The following CSF2RA variants were observed in gnomAD, a reference collection of about 807,000 sequenced individuals.
CSF2RA encodes the protein colony stimulating factor 2 receptor subunit alpha, also known as granulocyte-macrophage colony-stimulating factor receptor subunit alpha.
A neutral mutation model predicts 51.6 loss-of-function variants in CSF2RA; 42 were observed. That is an observed-to-expected ratio of 0.81 (90% CI 0.64 to 1.05). CSF2RA has a LOEUF of 1.05. Ranked by LOEUF, CSF2RA falls within the 50% of genes least tolerant of loss-of-function variation. The pLI is 0.00. For synonymous variants in CSF2RA, 222 were observed against 193.0 expected (o/e 1.15, Z -1.24); for missense variants, 530 against 501.1 (o/e 1.06, Z -0.55).
At chrX:1,270,505 G>A (rs1468377429) in intron 1 of CSF2RA, among the ~76,000 whole-genome samples, 42 of 152,098 alleles carry the variant, frequency 2.8e-4, no homozygotes, top group African/African-American at 9.9e-4. Flanking sequence ...TCCCAAAGTG[G>A]TGGGATGACA....
intron 10 of CSF2RA, among the ~76,000 whole-genome samples, chrX:1,302,163 A>C (rs1435384598): frequency 1.3e-5 from 2 of 151,674 alleles, no homozygotes; most frequent in African/African-American, 4.8e-5. Flanking sequence ...TGATCTGCCC[A>C]CCTCGCCCTC....
chrX:1,285,712 AAAAAAAAAAAAAAAAAAAAG>A lies in CSF2RA; in HGVS notation c.77-65_77-46del, dbSNP rs1228410969. The A allele has an allele frequency of 6.3e-5, 64 of 1,012,826 alleles. 1 individual carries two copies. The highest frequency in any genetic ancestry group is 3.9e-5 in the Admixed American group (1 of 25,426). 62.7% of individuals were successfully genotyped at this position (1,012,826 alleles called of 1,614,324 possible). On this transcript the variant is annotated intron_variant, in intron 3 of 12. Transcript: ENST00000381529. ...GCCAGACTCCGTCTCAAAAAAAAAA[AAAAAAAAAAAAAAAAAAAAG>A]GAAAAGAAAAGAGGAAATTCTGAAC...
At position 1,275,664 on chromosome X, in the gene CSF2RA, T is replaced by C. The variant is rs769859319; in HGVS notation, c.-27+846T>C. Among the ~76,000 whole-genome samples the C allele has an allele frequency of 2.1e-3, 313 of 151,788 alleles. 2 individuals are homozygous for C. The highest frequency in any genetic ancestry group is 0.016 in the Admixed American group (241 of 15,192). On this transcript the variant is annotated intron_variant, in intron 2 of 12. Transcript: ENST00000381529. ...ACCTCCGCCTCCCGGGTTCACGCCA[T>C]TCTCCTGCCTCAGCCTCCCGAGTAG...
chrX:1,280,432 C>G (rs184488659), intron 2 of CSF2RA, among the ~76,000 whole-genome samples: 119 of 147,274 alleles, frequency 8.1e-4, no homozygotes, highest in Admixed American at 1.3e-3. Flanking sequence ...GATTGCACCA[C>G]TGCACTCCAG....
rs747048310 is a variant in CSF2RA, at chrX:1,296,986, G to C, written c.810+1530G>C. ...CCATGACCCCTGGCGGAACCGTACA[G>C]TCCCCTACTCACGACCCCTACACTC... On this transcript the variant is annotated intron_variant, in intron 9 of 12. Transcript: ENST00000381529. 6.0e-4 allele frequency among the ~76,000 whole-genome samples: 48 copies of C among 79,436 alleles called. 2 individuals carry two copies. Among genetic ancestry groups the C allele is most frequent in the African/African-American group, 2.4e-3 (41 of 17,128 alleles). 52.1% of individuals were successfully genotyped at this position (79,436 alleles called of 152,430 possible). A position where few individuals can be genotyped will look rare whatever the true frequency, so the allele number is the denominator to read the frequency against.
intron 7 of CSF2RA, among the ~76,000 whole-genome samples, chrX:1,293,409 C>T (rs74533405): frequency 0.45 from 68,381 of 151,646 alleles, 15,896 homozygotes; most frequent in South Asian, 0.56. Context: ...TTAGTAGAGA[C>T]GGGGTTTCAC....
chrX:1,288,399 T>G, intron 4 of CSF2RA, 120 bp from the exon 5 acceptor site: 1 of 1,081,490 alleles, frequency 9.2e-7, no homozygotes, highest in South Asian at 1.3e-5. Flanking sequence ...GGAGAATTGC[T>G]TGAACCTGGA....
At chrX:1,282,297 A>C in intron 2 of CSF2RA, 1 of 239,782 alleles carries the variant, frequency 4.2e-6, no homozygotes. Context: ...CCCCAAATCC[A>C]CTAATTATTA....
chrX:1,311,661 G>C (rs144305197), downstream of CSF2RA, among the ~76,000 whole-genome samples: 212 of 152,154 alleles, frequency 1.4e-3, 1 homozygote, highest in African/African-American at 4.8e-3. Flanking sequence ...GGTCAGGCTG[G>C]TCTCCATCTG....
In CSF2RA at chrX:1,290,468, G is replaced by T; in HGVS notation, c.605G>T (p.Gly202Val). The T allele has an allele frequency of 6.2e-7, 1 of 1,613,836 alleles. No individual in the cohort carries two copies. The highest frequency in any genetic ancestry group is 1.1e-5 in the South Asian group (1 of 91,068). Residue 202 changes from glycine to valine, a missense_variant, in exon 7 of 13, where the codon GGC (glycine) becomes GTC (valine). Transcript: ENST00000381529. ...GTTAACGGAACCAGCCGAGAAATTG[G>T]CATCCAATTCTTTGATTCACTTTTG... ...FLVNGTSREI[G>V]IQFFDSLLDT... is the part of the protein sequence containing the mutation.
chrX:1,297,116 C>G (rs1319503120), intron 9 of CSF2RA, among the ~76,000 whole-genome samples: 3 of 67,554 alleles, frequency 4.4e-5, no homozygotes, highest in African/African-American at 1.4e-4. Context: ...TACTCACGAC[C>G]CCTACACTCT....
chrX:1,288,494 G>C, intron 4 of CSF2RA, 25 bp from the exon 5 acceptor site: 1 of 1,613,810 alleles, frequency 6.2e-7, no homozygotes, highest in Non-Finnish European at 8.5e-7. Flanking sequence ...TTCCTAATCG[G>C]CTCTGTCTGG....
chrX:1,284,543 C>G (rs1265161592), intron 3 of CSF2RA, among the ~76,000 whole-genome samples: 1 of 149,506 alleles, frequency 6.7e-6, no homozygotes, highest in Non-Finnish European at 1.5e-5. Flanking sequence ...TCCTCCCACT[C>G]CAGCCTCCCA....
chrX:1,314,820 G>GCTCAACCCCACTGCA (rs2084456591), downstream of CSF2RA, among the ~76,000 whole-genome samples: 1 of 42,358 alleles, frequency 2.4e-5, no homozygotes. Flanking sequence ...ACCCCACTGT[G>GCTCAACCCCACTGCA]CCTGCCCAAC....
chrX:1,287,890 C>T (rs2090942263), intron 4 of CSF2RA, among the ~76,000 whole-genome samples: 1 of 139,444 alleles, frequency 7.2e-6, no homozygotes, highest in Admixed American at 7.2e-5. Flanking sequence ...GTGCCTGCCA[C>T]CACACCTGGC....
At chrX:1,316,985 C>T in the CSF2RA span, among the ~76,000 whole-genome samples, 4 of 152,124 alleles carry the variant, frequency 2.6e-5, no homozygotes, top group African/African-American at 9.7e-5. Context: ...CTCACTCTGT[C>T]GCCCAGGCTG....
At chrX:1,321,107 G>T in the CSF2RA span, among the ~76,000 whole-genome samples, 1 of 151,976 alleles carries the variant, frequency 6.6e-6, no homozygotes, top group Non-Finnish European at 1.5e-5. Flanking sequence ...GCCTCCCAAA[G>T]TGCTGAGATT....
At chrX:1,286,582 A>G (rs867605075) in intron 4 of CSF2RA, among the ~76,000 whole-genome samples, 1 of 141,696 alleles carries the variant, frequency 7.1e-6, no homozygotes, top group South Asian at 2.3e-4. Context: ...AAAAAAAAAA[A>G]AAATAATAAA....
chrX:1,278,404 A>C (rs1250185636), intron 2 of CSF2RA, among the ~76,000 whole-genome samples: 1 of 150,080 alleles, frequency 6.7e-6, no homozygotes, highest in Non-Finnish European at 1.5e-5. Context: ...GCTACTCCAG[A>C]GGCCAGGTGC....
Sources: allele counts gnomAD v4.1 joint callset (sites outside exome capture counted in the v4.1 genomes callset), GRCh38; gene constraint gnomAD v4.1.1; transcripts MANE v1.5; gene names NCBI Gene and HGNC (gene_info 2026-07-23, HGNC 2026-07-21).